The following CFAP299 variants were observed in gnomAD, a reference collection of about 807,000 sequenced individuals.
CFAP299 encodes cilia and flagella associated protein 299.
CFAP299 carries 21 observed loss-of-function variants against 27.0 expected under a neutral mutation model. The observed-to-expected ratio is 0.78, with a 90% CI of 0.55 to 1.12. The LOEUF is 1.12. Ranked by LOEUF, CFAP299 falls within the 50% of genes most tolerant of loss-of-function variation. The pLI is 0.00. For synonymous variants in CFAP299, 104 were observed against 98.1 expected (o/e 1.06, Z -0.36); for missense variants, 310 against 276.6 (o/e 1.12, Z -0.86).
At chr4:80,572,770 G>A (rs923419502) in intron 2 of CFAP299, among the ~76,000 whole-genome samples, 9 of 151,868 alleles carry the variant, frequency 5.9e-5, no homozygotes, top group African/African-American at 2.2e-4. Context: ...GCCCACCTGG[G>A]CCTCCCAAAG....
intron 3 of CFAP299, among the ~76,000 whole-genome samples, chr4:80,653,599 A>G (rs192817671): frequency 8.5e-5 from 13 of 152,238 alleles, no homozygotes; most frequent in Non-Finnish European, 1.8e-4. Context: ...ATGAGCAAGT[A>G]AAGTGTATGA....
At chr4:80,627,667 A>C (rs1738978458) in intron 3 of CFAP299, among the ~76,000 whole-genome samples, 1 of 152,096 alleles carries the variant, frequency 6.6e-6, no homozygotes, top group Non-Finnish European at 1.5e-5. Flanking sequence ...AAATCAACAT[A>C]CAACACTCGG....
intron 3 of CFAP299, among the ~76,000 whole-genome samples, chr4:80,707,291 T>C (rs1048199488): frequency 2.0e-5 from 3 of 151,956 alleles, no homozygotes; most frequent in African/African-American, 7.2e-5. Context: ...AGTGTTGAAA[T>C]GGTTAAGAAA....
At chr4:80,537,392 C>T (rs1733795240) in intron 2 of CFAP299, among the ~76,000 whole-genome samples, 1 of 152,108 alleles carries the variant, frequency 6.6e-6, no homozygotes, top group African/African-American at 2.4e-5. Flanking sequence ...ATCCCCATGT[C>T]TACTGTAGCA....
Position 80,669,120 on chromosome 4 carries a change from TTTTCTTTTCTGTC to T in CFAP299, c.333+85945_333+85957del, listed in dbSNP as rs202115358. On this transcript the variant is annotated intron_variant, in intron 3 of 5. Transcript: ENST00000358105. ...TTAATTTCTTTTTTCTTTTCTTTTC[TTTTCTTTTCTGTC>T]TTTCTTTCTTTCTTTCTTTTTTTTT... is the stretch of plus-strand genomic sequence containing the variant. Among the ~76,000 whole-genome samples, 9 of 102,852 alleles carry T rather than the reference TTTTCTTTTCTGTC, an allele frequency of 8.8e-5. 2 individuals carry two copies. The highest frequency in any genetic ancestry group is 3.4e-4 in the South Asian group (1 of 2,916). 67.5% of individuals were successfully genotyped at this position (102,852 alleles called of 152,430 possible).
At chr4:80,388,260 G>A in intron 2 of CFAP299, 1 of 690,076 alleles carries the variant, frequency 1.4e-6, no homozygotes, top group Non-Finnish European at 2.7e-6. Context: ...TAGGGCATGG[G>A]CTGGTCCAGG....
intron 2 of CFAP299, among the ~76,000 whole-genome samples, chr4:80,534,191 C>G (rs1391413462): frequency 6.6e-6 from 1 of 151,198 alleles, no homozygotes; most frequent in African/African-American, 2.4e-5. Context: ...ATCTTTATTT[C>G]TATCTTTGAT....
chr4:80,421,670 T>C (rs1023053202), intron 2 of CFAP299, among the ~76,000 whole-genome samples: 1 of 152,188 alleles, frequency 6.6e-6, no homozygotes, highest in Non-Finnish European at 1.5e-5. Flanking sequence ...TCAGACTCCT[T>C]AGAAGCGGGA....
At chr4:80,392,103 G>A (rs919710905) in intron 2 of CFAP299, among the ~76,000 whole-genome samples, 3 of 152,160 alleles carry the variant, frequency 2.0e-5, no homozygotes, top group Non-Finnish European at 4.4e-5. Flanking sequence ...TCTTTGGCCT[G>A]TAGCCCTTTC....
chr4:80,599,589 G>A (rs899381991), intron 3 of CFAP299, among the ~76,000 whole-genome samples: 1 of 152,020 alleles, frequency 6.6e-6, no homozygotes, highest in African/African-American at 2.4e-5. Flanking sequence ...AGTCCACACA[G>A]TGTAACTTCA....
chr4:80,531,504 G>T (rs1733461507), intron 2 of CFAP299, among the ~76,000 whole-genome samples: 1 of 152,084 alleles, frequency 6.6e-6, no homozygotes, highest in Non-Finnish European at 1.5e-5. Flanking sequence ...TTTTCAATTT[G>T]CAATTATACT....
At chr4:80,765,286 C>T (rs1218656354) in intron 3 of CFAP299, among the ~76,000 whole-genome samples, 1 of 152,036 alleles carries the variant, frequency 6.6e-6, no homozygotes, top group Non-Finnish European at 1.5e-5. Flanking sequence ...TCCAGGAAGC[C>T]TCATGCTGAA....
At chr4:80,780,817 A>T (rs1560748059) in intron 3 of CFAP299, among the ~76,000 whole-genome samples, 1 of 151,988 alleles carries the variant, frequency 6.6e-6, no homozygotes, top group African/African-American at 2.4e-5. Flanking sequence ...CTATATTTAT[A>T]GTAGAACTAG....
chr4:80,908,695 C>A (rs1366262002), intron 4 of CFAP299, among the ~76,000 whole-genome samples: 2 of 152,108 alleles, frequency 1.3e-5, no homozygotes, highest in Admixed American at 6.6e-5. Flanking sequence ...TGAACCACAC[C>A]TCAGGTAATA....
intron 2 of CFAP299, among the ~76,000 whole-genome samples, chr4:80,564,725 A>T (rs2110226205): frequency 6.6e-6 from 1 of 152,128 alleles, no homozygotes; most frequent in East Asian, 1.9e-4. Flanking sequence ...AAGGAAGTCA[A>T]ATTATACTTG....
intron 3 of CFAP299, among the ~76,000 whole-genome samples, chr4:80,781,835 A>T (rs569585593): frequency 1.3e-3 from 196 of 151,870 alleles, no homozygotes; most frequent in African/African-American, 4.7e-3. Context: ...AATAGAATAA[A>T]AAAAAAAAAG....
chr4:80,339,544 G>C (rs1722337238), intron 1 of CFAP299, among the ~76,000 whole-genome samples: 1 of 152,154 alleles, frequency 6.6e-6, no homozygotes, highest in East Asian at 1.9e-4. Context: ...TGGCTCAGAA[G>C]AATAAAAGAA....
At chr4:80,504,152 C>G (rs916469748) in intron 2 of CFAP299, among the ~76,000 whole-genome samples, 7 of 151,746 alleles carry the variant, frequency 4.6e-5, no homozygotes, top group Non-Finnish European at 8.8e-5. Flanking sequence ...TTATGAATGG[C>G]TTTCCTGAGG....
At chr4:80,797,429 A>G (rs1163299665) in intron 3 of CFAP299, among the ~76,000 whole-genome samples, 1 of 152,108 alleles carries the variant, frequency 6.6e-6, no homozygotes, top group Non-Finnish European at 1.5e-5. Flanking sequence ...ATAGGCTTCT[A>G]TCAATTTCAC....
Sources: gnomAD v4.1 joint callset for allele counts (sites outside exome capture counted in the v4.1 genomes callset) on GRCh38, gnomAD v4.1.1 for gene constraint, MANE v1.5 for transcripts, NCBI Gene and HGNC (gene_info 2026-07-23, HGNC 2026-07-21) for gene names.